GDPD4: variants seen among roughly 807,000 people sequenced by gnomAD.
GDPD4 encodes the protein glycerophosphodiester phosphodiesterase 6.
Under a neutral mutation model 67.8 loss-of-function variants are expected in GDPD4, and 60 were observed. That is an observed-to-expected ratio of 0.88 (90% CI 0.72 to 1.10). GDPD4 has a LOEUF of 1.10. Ranked by LOEUF, GDPD4 falls within the 50% of genes least tolerant of loss-of-function variation. GDPD4 has a pLI of 0.00. For synonymous variants in GDPD4, 212 were observed against 210.9 expected (o/e 1.00, Z -0.04); for missense variants, 623 against 613.9 (o/e 1.01, Z -0.16).
chr11:77,233,666 C>CT (rs2135831641), intron 13 of GDPD4, among the ~76,000 whole-genome samples: 1 of 152,240 alleles, frequency 6.6e-6, no homozygotes, highest in Admixed American at 6.5e-5. Context: ...TCTATCAGAG[C>CT]ACTTATCACC....
chr11:77,254,923 GA>G (rs1471016498), intron 11 of GDPD4, among the ~76,000 whole-genome samples: 2 of 151,916 alleles, frequency 1.3e-5, no homozygotes, highest in Non-Finnish European at 2.9e-5. Flanking sequence ...CTTCACTATG[GA>G]AAAAACTACC....
chr11:77,264,488 A>T (rs1254227632), intron 10 of GDPD4, among the ~76,000 whole-genome samples: 1 of 152,184 alleles, frequency 6.6e-6, no homozygotes, highest in Non-Finnish European at 1.5e-5. Context: ...GTCACATAGG[A>T]AACAGCCAGG....
intron 1 of GDPD4, among the ~76,000 whole-genome samples, chr11:77,294,960 C>CTTTTTT (rs144796072): frequency 6.0e-5 from 4 of 66,386 alleles, no homozygotes; most frequent in Non-Finnish European, 8.0e-5. Context: ...TACAACTTTG[C>CTTTTTT]TTTTTTTTTT....
At chr11:77,237,575 T>C (rs1591536914) in intron 13 of GDPD4, among the ~76,000 whole-genome samples, 1 of 152,302 alleles carries the variant, frequency 6.6e-6, no homozygotes. Context: ...ATTTAAGCCA[T>C]AGAATTTAAA....
At chr11:77,265,359 A>G (rs934186935) in intron 10 of GDPD4, among the ~76,000 whole-genome samples, 2 of 152,162 alleles carry the variant, frequency 1.3e-5, no homozygotes, top group African/African-American at 2.4e-5. Context: ...CATAAACTGG[A>G]GCAGTATATA....
intron 15 of GDPD4, among the ~76,000 whole-genome samples, chr11:77,228,239 C>G (rs1958380720): frequency 6.6e-6 from 1 of 152,020 alleles, no homozygotes; most frequent in South Asian, 2.1e-4. Context: ...TGGCTCACCC[C>G]TGTAATCCCG....
intron 16 of GDPD4, among the ~76,000 whole-genome samples, chr11:77,218,840 C>A (rs540541327): frequency 6.2e-4 from 16 of 25,942 alleles, no homozygotes; most frequent in African/African-American, 1.2e-3. Flanking sequence ...AATAGTGCCG[C>A]AATAAACAAT....
chr11:77,280,323 T>C (rs1156850964), intron 3 of GDPD4, among the ~76,000 whole-genome samples: 2 of 151,948 alleles, frequency 1.3e-5, no homozygotes, highest in Non-Finnish European at 2.9e-5. Flanking sequence ...AGATCTTCCA[T>C]GATGTAAAGG....
chr11:77,267,904 CA>C (rs1959185685), intron 10 of GDPD4, among the ~76,000 whole-genome samples: 1 of 151,988 alleles, frequency 6.6e-6, no homozygotes, highest in Admixed American at 6.6e-5. Flanking sequence ...TTTGAGCACA[CA>C]AATTTTTTTT....
At chr11:77,248,051 C>CAAAAAAAAAAAAAA (rs34252021) in intron 11 of GDPD4, among the ~76,000 whole-genome samples, 10 of 62,640 alleles carry the variant, frequency 1.6e-4, no homozygotes, top group Non-Finnish European at 2.4e-4. Context: ...AACTCCGTCT[C>CAAAAAAAAAAAAAA]AAAAAAAAAA....
Position 77,243,821 on chromosome 11 carries a change from G to T in GDPD4, c.1114C>A (p.Gln372Lys), listed in dbSNP as rs1157380794. The change falls in exon 13 of 17, where the codon CAA becomes AAA. Residue 372 changes from glutamine (Q) to lysine (K), a missense_variant. By Grantham distance (53) the Gln-to-Lys change is moderately conservative. Coordinates refer to ENST00000315938, the MANE Select transcript of GDPD4 (RefSeq NM_182833.3). ...LIFWLPAHDR[Q>K]YVRSVAPGFQ... ...CCAGGAGCCACGGACCTGACGTATT[G>T]CCTATCATGAGCTGGCAACCAAAAA... 1 of 1,613,586 alleles carries T rather than the reference G, an allele frequency of 6.2e-7. No homozygotes were observed.
At chr11:77,259,820 C>G (rs1591554382) in intron 10 of GDPD4, among the ~76,000 whole-genome samples, 1 of 152,126 alleles carries the variant, frequency 6.6e-6, no homozygotes, top group East Asian at 1.9e-4. Context: ...AAGTGTATGG[C>G]TAAATATCAA....
chr11:77,297,879 A>G (rs181530695), intron 1 of GDPD4, among the ~76,000 whole-genome samples: 2 of 152,352 alleles, frequency 1.3e-5, no homozygotes, highest in East Asian at 1.9e-4. Context: ...GCTATCATTG[A>G]TAAGATTTAA....
rs574779758 is a variant in GDPD4 at position 77,295,099 on chromosome 11, G to A, written c.-254+6506C>T. Among the ~76,000 whole-genome samples the A allele has an allele frequency of 3.3e-5, 5 of 151,570 alleles. No homozygotes were observed. The South Asian group carries it at 1.0e-3, about 32-fold the overall frequency. The stretch of plus-strand genomic sequence containing the variant: ...CTTGCCTCAGCCTCTTGAGTAGCGG[G>A]GACTACAGGTGCATGCCAACACATC... On this transcript the variant is annotated intron_variant, in intron 1 of 16. Coordinates refer to ENST00000315938, the MANE Select transcript of GDPD4 (RefSeq NM_182833.3).
At chr11:77,235,019 T>TTTG (rs1958529243) in intron 13 of GDPD4, among the ~76,000 whole-genome samples, 2 of 129,968 alleles carry the variant, frequency 1.5e-5, no homozygotes, top group African/African-American at 5.4e-5. Flanking sequence ...GTTTTTTTTT[T>TTTG]TTTTTTTTTT....
At chr11:77,273,701 T>C (rs1400277870) in intron 5 of GDPD4, among the ~76,000 whole-genome samples, 1 of 152,246 alleles carries the variant, frequency 6.6e-6, no homozygotes, top group Admixed American at 6.5e-5. Context: ...TTTGGTTATC[T>C]GAAGCCTAGG....
chr11:77,279,297 A>G lies in GDPD4; in HGVS notation c.147+9T>C, dbSNP rs750872228. The G allele has an allele frequency of 1.6e-5, 25 of 1,568,074 alleles. No individual in the cohort carries two copies. Among genetic ancestry groups the G allele is most frequent in the Non-Finnish European group, 2.0e-5 (23 of 1,137,920 alleles). On this transcript the variant is annotated intron_variant, in intron 4 of 16. Coordinates refer to ENST00000315938, the MANE Select transcript of GDPD4 (RefSeq NM_182833.3). ...GAAGGGAGTGGAAGAAATGAGAAGC[A>G]TTACTCACCAACAGCAATGAAGAGT... is the stretch of plus-strand genomic sequence containing the variant.
At chr11:77,241,737 G>A (rs1958669952) in intron 13 of GDPD4, among the ~76,000 whole-genome samples, 1 of 149,944 alleles carries the variant, frequency 6.7e-6, no homozygotes, top group East Asian at 2.0e-4. Context: ...GAGGTCAAGA[G>A]ATCGAGACCA....
intron 11 of GDPD4, among the ~76,000 whole-genome samples, chr11:77,255,791 C>T (rs1276563659): frequency 2.0e-5 from 3 of 151,550 alleles, no homozygotes; most frequent in South Asian, 4.2e-4. Context: ...AATTGGAACC[C>T]GGGAGGCAGA....
Sources: gnomAD v4.1 joint callset for allele counts (sites outside exome capture counted in the v4.1 genomes callset) on GRCh38, gnomAD v4.1.1 for gene constraint, MANE v1.5 for transcripts, NCBI Gene and HGNC (gene_info 2026-07-23, HGNC 2026-07-21) for gene names.